Variants in PPP1CC observed in about 807,000 individuals in gnomAD.
PPP1CC encodes protein phosphatase 1 catalytic subunit gamma.
Under a neutral mutation model 38.4 loss-of-function variants are expected in PPP1CC, and 16 were observed. The ratio of observed to expected loss-of-function variants is 0.42; its 90% CI spans 0.28 to 0.63. The LOEUF is 0.63. Ranked by LOEUF, PPP1CC falls within the 30% of genes least tolerant of loss-of-function variation. The pLI, the probability that PPP1CC is intolerant of heterozygous loss-of-function variation, is 0.25. For missense variants in PPP1CC, 170 were observed against 391.3 expected (o/e 0.43, Z 4.77); for synonymous variants, 158 against 136.0 (o/e 1.16, Z -1.13).
At chr12:110,710,765 C>T in the PPP1CC span, among the ~76,000 whole-genome samples, 416 of 146,638 alleles carry the variant, frequency 2.8e-3, 13 homozygotes, top group East Asian at 0.071. Context: ...GGTGAGGTGG[C>T]TCATGCCTGT....
intron 1 of PPP1CC, chr12:110,735,057 TTTTC>T (rs1225196627): frequency 2.0e-5 from 3 of 151,348 alleles, no homozygotes; most frequent in Admixed American, 6.6e-5. Flanking sequence ...TTCACTATTT[TTTTC>T]TTTCTTTTTT....
At chr12:110,731,521 T>C (rs1308420313) in intron 2 of PPP1CC, among the ~76,000 whole-genome samples, 1 of 152,178 alleles carries the variant, frequency 6.6e-6, no homozygotes, top group African/African-American at 2.4e-5. Flanking sequence ...ATTCTTAGTT[T>C]CATTTTTTTC....
the PPP1CC span, among the ~76,000 whole-genome samples, chr12:110,709,624 T>G: frequency 6.6e-6 from 1 of 150,992 alleles, no homozygotes; most frequent in Non-Finnish European, 1.5e-5. Context: ...AGTGGTGTGA[T>G]CTCGGCTCAC....
In PPP1CC at chr12:110,742,657, C is replaced by T. The variant is rs1191527472; in HGVS notation, c.51G>A (p.Leu17=). The T allele has an allele frequency of 2.7e-6, 4 of 1,477,174 alleles. No individual in the cohort carries two copies. The highest frequency in any genetic ancestry group is 3.6e-6 in the Non-Finnish European group (4 of 1,107,998). The allele number at this position is 1,477,174 out of a possible 1,614,324, so 91.5% of individuals were successfully genotyped here. A position where few individuals can be genotyped will look rare whatever the true frequency, so the allele number is the denominator to read the frequency against. ...LNIDSIIQRL[L]EVRGSKPGKN... ...GCCGCCCGCCGCCCCCCTTACCTTC[C>T]AGCAGCCGTTGGATAATGCTGTCGA... Residue 17 remains leucine (L), a synonymous_variant, in exon 1 of 7, where the codon CTG becomes CTA. Coordinates refer to ENST00000335007, the MANE Select transcript of PPP1CC (RefSeq NM_002710.4).
intron 3 of PPP1CC, chr12:110,726,277 A>G (rs1374347338): frequency 6.6e-6 from 1 of 152,270 alleles, no homozygotes; most frequent in African/African-American, 2.4e-5. Flanking sequence ...ATGTAAATTC[A>G]ACAAATGTTT....
chr12:110,721,874 C>A, intron 6 of PPP1CC: 1 of 467,952 alleles, frequency 2.1e-6, no homozygotes, highest in Non-Finnish European at 3.7e-6. Flanking sequence ...TTTAGATTTA[C>A]AGTAAAAGAG....
chr12:110,727,430 C>T (rs2069812345), intron 3 of PPP1CC, among the ~76,000 whole-genome samples: 1 of 152,182 alleles, frequency 6.6e-6, no homozygotes, highest in African/African-American at 2.4e-5. Flanking sequence ...GAACATCTGG[C>T]TCCTGAAAGG....
At chr12:110,708,630 C>G in the PPP1CC span, among the ~76,000 whole-genome samples, 1 of 152,170 alleles carries the variant, frequency 6.6e-6, no homozygotes, top group East Asian at 1.9e-4. Flanking sequence ...AGGCAGATTA[C>G]TTGAGGTCAG....
chr12:110,724,568 G>GA (rs2136542814), intron 4 of PPP1CC, 92 bp downstream of exon 4: 1 of 747,554 alleles, frequency 1.3e-6, no homozygotes, highest in South Asian at 1.6e-5. Context: ...TTCTGTCAGA[G>GA]AAAGTCATCC....
intron 3 of PPP1CC, among the ~76,000 whole-genome samples, chr12:110,728,894 G>A (rs902332527): frequency 1.3e-5 from 2 of 152,120 alleles, no homozygotes; most frequent in African/African-American, 2.4e-5. Context: ...ATCTTTCTAG[G>A]ATGCACTTCT....
At chr12:110,708,719 G>T in the PPP1CC span, among the ~76,000 whole-genome samples, 22 of 152,120 alleles carry the variant, frequency 1.4e-4, no homozygotes, top group Non-Finnish European at 2.8e-4. Flanking sequence ...CATGGTGGCA[G>T]ACACCTGTAA....
intron 6 of PPP1CC, chr12:110,721,753 G>A (rs2069741624): frequency 7.8e-6 from 2 of 255,668 alleles, no homozygotes; most frequent in East Asian, 1.4e-4. Flanking sequence ...AAGTTTTGTG[G>A]AAGTTAGACT....
Position 110,742,642 on chromosome 12 carries a change from G to GC in PPP1CC, c.55+10dup. ...CCGCCTCCCCCTTCAGCCGCCCGCC[G>GC]CCCCCCTTACCTTCCAGCAGCCGTT... On this transcript the variant is annotated intron_variant, in intron 1 of 6. Transcript: ENST00000335007. 2.5e-6 allele frequency: 3 copies of GC among 1,191,792 alleles called. No homozygotes were observed. Among genetic ancestry groups the GC allele is most frequent in the African/African-American group, 1.7e-5 (1 of 58,618 alleles). 73.8% of individuals were successfully genotyped at this position (1,191,792 alleles called of 1,614,324 possible).
At chr12:110,721,736 T>C (rs1390734328) in intron 6 of PPP1CC, 3 of 234,672 alleles carry the variant, frequency 1.3e-5, no homozygotes, top group African/African-American at 6.8e-5. Context: ...TCATGGTACA[T>C]TAACAGAAGT....
chr12:110,711,445 A>G, the PPP1CC span, among the ~76,000 whole-genome samples: 10,035 of 152,126 alleles, frequency 0.066, 552 homozygotes, highest in African/African-American at 0.14. Flanking sequence ...AACACAATGA[A>G]GAAAAGTAAG....
Position 110,720,073 on chromosome 12 carries a change from A to G in PPP1CC, c.*1003T>C. On this transcript the variant is annotated 3_prime_UTR_variant, in exon 7 of 7. Transcript: ENST00000335007. ...GACAGTAAGTTAGTTCCTTTGTTTTAACTTATAAGCCTCAACTTCACCGCA... is the reference window on the plus strand; with the variant it reads ...GACAGTAAGTTAGTTCCTTTGTTTTGACTTATAAGCCTCAACTTCACCGCA... The G allele has an allele frequency of 6.9e-7, 1 of 1,438,972 alleles. No individual in the cohort carries two copies. Among genetic ancestry groups the G allele is most frequent in the African/African-American group, 1.4e-5 (1 of 70,776 alleles). The allele number at this position is 1,438,972 out of a possible 1,614,324, so 89.1% of individuals were successfully genotyped here. A position where few individuals can be genotyped will look rare whatever the true frequency, so the allele number is the denominator to read the frequency against.
chr12:110,722,757 T>G lies in PPP1CC; in HGVS notation c.524-62A>C. The stretch of plus-strand genomic sequence containing the variant: ...GAACTTTTAAAAGGATACTACCCCT[T>G]CAAAAGTTCCATTTGTCTACAGAGA... On this transcript the variant is annotated intron_variant, in intron 4 of 6. Coordinates refer to ENST00000335007, the MANE Select transcript of PPP1CC (RefSeq NM_002710.4). The surrounding 1 kb of genome is among the most constrained non-coding windows in gnomAD (Gnocchi z 5.4). 8.1e-7 allele frequency: 1 copy of G among 1,238,686 alleles called. No individual in the cohort carries two copies. Among genetic ancestry groups the G allele is most frequent in the Non-Finnish European group, 1.1e-6 (1 of 897,370 alleles). The allele number at this position is 1,238,686 out of a possible 1,614,324, so 76.7% of individuals were successfully genotyped here. A position where few individuals can be genotyped will look rare whatever the true frequency, so the allele number is the denominator to read the frequency against.
downstream of PPP1CC, among the ~76,000 whole-genome samples, chr12:110,716,823 T>C (rs1265821436): frequency 1.3e-5 from 2 of 152,254 alleles, no homozygotes; most frequent in Non-Finnish European, 2.9e-5. Flanking sequence ...ACAAGTCCGT[T>C]GGAGCTACAG....
the PPP1CC span, among the ~76,000 whole-genome samples, chr12:110,709,510 G>A: frequency 4.0e-5 from 6 of 151,592 alleles, no homozygotes; most frequent in Non-Finnish European, 8.8e-5. Context: ...TTACAGGCAT[G>A]AGCCATGGTG....
Sources: gnomAD v4.1 joint callset for allele counts (sites outside exome capture counted in the v4.1 genomes callset) on GRCh38, gnomAD v4.1.1 for gene constraint, Gnocchi (gnomAD v3.1) non-coding constraint, MANE v1.5 for transcripts, NCBI Gene and HGNC (gene_info 2026-07-23, HGNC 2026-07-21) for gene names.